Variants in ADAMTSL1 observed in about 807,000 individuals in gnomAD.
The protein encoded by ADAMTSL1 is ADAMTS-like protein 1.
A neutral mutation model predicts 201.8 loss-of-function variants in ADAMTSL1; 126 were observed. The ratio of observed to expected loss-of-function variants is 0.62; its 90% confidence interval spans 0.54 to 0.72. The LOEUF (loss-of-function observed/expected upper bound fraction) is 0.72. Among genes scored for constraint, ADAMTSL1 ranks in the 30% least tolerant of loss-of-function variants. ADAMTSL1 has a pLI of 0.00. For synonymous variants in ADAMTSL1, 1,121 were observed against 903.4 expected (o/e 1.24, Z -4.32); for missense variants, 2,679 against 2,277.8 (o/e 1.18, Z -3.59).
At chr9:18,503,421 G>GTGTGTATATATATA (rs376466829) in intron 1 of ADAMTSL1, among the ~76,000 whole-genome samples, 9 of 115,286 alleles carry the variant, frequency 7.8e-5, no homozygotes, top group African/African-American at 1.2e-4. Flanking sequence ...ATTCCATTGT[G>GTGTGTATATATATA]TATATATATA....
At chr9:18,023,327 A>G (rs1465894596) in intron 1 of ADAMTSL1, among the ~76,000 whole-genome samples, 1 of 152,108 alleles carries the variant, frequency 6.6e-6, no homozygotes, top group Admixed American at 6.6e-5. Flanking sequence ...TTCCCAGATG[A>G]TGCTGATACT....
At chr9:18,307,838 A>C (rs1833968036) in intron 2 of ADAMTSL1, among the ~76,000 whole-genome samples, 1 of 152,190 alleles carries the variant, frequency 6.6e-6, no homozygotes, top group South Asian at 2.1e-4. Context: ...CTCTGGACCA[A>C]GTGGACCTAA....
At chr9:18,441,316 T>C (rs1819988047) in intron 2 of ADAMTSL1, among the ~76,000 whole-genome samples, 1 of 152,166 alleles carries the variant, frequency 6.6e-6, no homozygotes, top group Non-Finnish European at 1.5e-5. Flanking sequence ...TGAAATTGTA[T>C]CTCAATTTTT....
chr9:17,946,333 C>T (rs1231028665), intron 1 of ADAMTSL1, among the ~76,000 whole-genome samples: 1 of 151,834 alleles, frequency 6.6e-6, no homozygotes, highest in African/African-American at 2.4e-5. Context: ...CATATTTCGT[C>T]AATTGGTACT....
rs114589042 is a variant in ADAMTSL1, at chr9:18,827,456, C to T, written c.4114+993C>T. On this transcript the variant is annotated intron_variant, in intron 22 of 28. Coordinates refer to ENST00000380548, the MANE Select transcript of ADAMTSL1 (RefSeq NM_001040272.6). ...CACTCAGATTTCAGAGAGGCCCAAA[C>T]GGGTTTTCATCTCACTGGTGGCTGC... Among the ~76,000 whole-genome samples the T allele has an allele frequency of 4.0e-3, 613 of 152,038 alleles. 3 individuals are homozygous for T. Among genetic ancestry groups the T allele is most frequent in the African/African-American group, 0.014 (566 of 41,462 alleles).
intron 2 of ADAMTSL1, among the ~76,000 whole-genome samples, chr9:18,327,924 G>T (rs1357195031): frequency 6.7e-6 from 1 of 150,194 alleles, no homozygotes; most frequent in Non-Finnish European, 1.5e-5. Context: ...AGATATTTAA[G>T]ATGGTTTTCC....
chr9:18,844,697 C>T (rs1005129422), intron 23 of ADAMTSL1, among the ~76,000 whole-genome samples: 5 of 152,230 alleles, frequency 3.3e-5, no homozygotes, highest in Non-Finnish European at 5.9e-5. Flanking sequence ...CCACCCAGTT[C>T]GAGCTTCCTG....
At chr9:18,575,616 G>A (rs1272204843) in intron 4 of ADAMTSL1, among the ~76,000 whole-genome samples, 2 of 152,166 alleles carry the variant, frequency 1.3e-5, no homozygotes, top group Admixed American at 6.5e-5. Flanking sequence ...AAAGCAAATA[G>A]ATTTAGAAAG....
rs574895875 is a variant in ADAMTSL1, at chr9:18,367,705, G to A, written c.208-137124G>A. Among the ~76,000 whole-genome samples, 3 of 151,930 alleles carry A rather than the reference G, an allele frequency of 2.0e-5. No homozygotes were observed. In the South Asian group the frequency reaches 6.2e-4, roughly 32 times the overall value. ...TATTATCACCATTTTGAACAGTGGC[G>A]GAAAGTTAGGAACAAAGAGACTAAG... On this transcript the variant is annotated intron_variant, in intron 2 of 29. Transcript: ENST00000680146.
chr9:18,399,176 A>C (rs371236145), intron 2 of ADAMTSL1, among the ~76,000 whole-genome samples: 177 of 150,698 alleles, frequency 1.2e-3, no homozygotes, highest in African/African-American at 4.1e-3. Flanking sequence ...TTTGTAAATC[A>C]AGGGTTGAAG....
chr9:18,698,064 A>G (rs1831668698), intron 13 of ADAMTSL1, among the ~76,000 whole-genome samples: 1 of 152,232 alleles, frequency 6.6e-6, no homozygotes, highest in African/African-American at 2.4e-5. Flanking sequence ...ACTTTTATTT[A>G]TAAAGCACTT....
chr9:18,845,796 A>C (rs7865744), intron 23 of ADAMTSL1, among the ~76,000 whole-genome samples: 136,107 of 152,238 alleles, frequency 0.89, 61,087 homozygotes, highest in African/African-American at 0.96. Flanking sequence ...GACTGGGACA[A>C]TATAATATAA....
intron 4 of ADAMTSL1, among the ~76,000 whole-genome samples, chr9:18,608,077 G>A (rs1357892858): frequency 6.6e-6 from 1 of 152,146 alleles, no homozygotes; most frequent in African/African-American, 2.4e-5. Flanking sequence ...TTTGATTGTG[G>A]TGTGAACCAT....
At chr9:18,701,750 G>C (rs1185992356) in intron 13 of ADAMTSL1, among the ~76,000 whole-genome samples, 1 of 152,000 alleles carries the variant, frequency 6.6e-6, no homozygotes, top group Non-Finnish European at 1.5e-5. Context: ...TTTTAAATTA[G>C]GGCATGAAAC....
At chr9:18,219,927 T>C (rs1190949772) in intron 2 of ADAMTSL1, among the ~76,000 whole-genome samples, 9 of 152,202 alleles carry the variant, frequency 5.9e-5, no homozygotes, top group Admixed American at 5.9e-4. Context: ...GCTTTGATTT[T>C]CTGTGTAAAC....
chr9:18,713,247 C>A, intron 14 of ADAMTSL1, among the ~76,000 whole-genome samples: 1 of 151,558 alleles, frequency 6.6e-6, no homozygotes. Flanking sequence ...TCACACATAA[C>A]AATATTAACT....
At chr9:18,902,381 G>C (rs564768786) in intron 26 of ADAMTSL1, among the ~76,000 whole-genome samples, 1 of 152,252 alleles carries the variant, frequency 6.6e-6, no homozygotes, top group Admixed American at 6.5e-5. Context: ...TCTTAATACA[G>C]TTCATAAGAA....
intron 1 of ADAMTSL1, among the ~76,000 whole-genome samples, chr9:18,156,337 TC>T (rs919157709): frequency 1.3e-5 from 2 of 151,918 alleles, no homozygotes; most frequent in Admixed American, 6.6e-5. Context: ...AGAAAGAAGT[TC>T]CTTTGCCAAT....
chr9:18,732,385 T>C (rs1216024845), intron 15 of ADAMTSL1, among the ~76,000 whole-genome samples: 1 of 152,174 alleles, frequency 6.6e-6, no homozygotes, highest in East Asian at 1.9e-4. Context: ...AAAGGAGTAC[T>C]TGTTGGGACA....
Sources: gnomAD v4.1 joint callset for allele counts (sites outside exome capture counted in the v4.1 genomes callset) on GRCh38, gnomAD v4.1.1 for gene constraint, MANE v1.5 for transcripts, NCBI Gene and HGNC (gene_info 2026-07-23, HGNC 2026-07-21) for gene names.